The following MRC1 variants were observed in gnomAD, a reference collection of about 807,000 sequenced individuals.
The protein encoded by MRC1 is mannose receptor C-type 1.
MRC1 carries 62 observed loss-of-function variants against 102.9 expected under a neutral mutation model. The observed-to-expected ratio is 0.60, with a 90% CI of 0.49 to 0.74. MRC1 has a LOEUF of 0.74. Among genes scored for constraint, MRC1 ranks in the 30% least tolerant of loss-of-function variants. MRC1 has a pLI of 0.00. For missense variants in MRC1, 1,237 were observed against 862.8 expected (o/e 1.43, Z -5.43); for synonymous variants, 457 against 298.4 (o/e 1.53, Z -5.48).
At chr10:17,894,394 CTTTTTT>C (rs34625338) in intron 23 of MRC1, 82 bp downstream of exon 23, 138 of 405,988 alleles carry the variant, frequency 3.4e-4, no homozygotes, top group Middle Eastern at 7.0e-4. Context: ...TTCTTTCTTT[CTTTTTT>C]TTTTTTTTTT....
At chr10:17,902,863 T>C (rs1833846992) in intron 26 of MRC1, among the ~76,000 whole-genome samples, 1 of 152,220 alleles carries the variant, frequency 6.6e-6, no homozygotes, top group South Asian at 2.1e-4. Context: ...TTATTGCTAA[T>C]TGAAGTTTGC....
chr10:17,841,923 G>A (rs1212079789), intron 5 of MRC1, among the ~76,000 whole-genome samples: 3 of 151,976 alleles, frequency 2.0e-5, no homozygotes, highest in Non-Finnish European at 4.4e-5. Flanking sequence ...AGTGGTTTTC[G>A]CATTTGGCTT....
rs1401200082 is a variant in MRC1, at chr10:17,813,700, A to ATATATATATATTT, written c.61+4175_61+4176insATATATATATTTT. 2.1e-4 allele frequency among the ~76,000 whole-genome samples: 26 copies of ATATATATATATTT among 125,692 alleles called. No individual in the cohort carries two copies. The East Asian group carries it at 5.2e-3, about 25-fold the overall frequency. 82.5% of individuals were successfully genotyped at this position (125,692 alleles called of 152,430 possible). ...ACACACATTATATATATATATATAT[A>ATATATATATATTT]TTTTTTTTTTTTTTTGAGACAGGGT... is the stretch of plus-strand genomic sequence containing the variant. On this transcript the variant is annotated intron_variant, in intron 1 of 29. Transcript: ENST00000569591.
chr10:17,881,011 A>G, intron 20 of MRC1, 56 bp from the exon 21 acceptor site: 1 of 778,446 alleles, frequency 1.3e-6, no homozygotes, highest in Non-Finnish European at 2.4e-6. Context: ...AAAGTTGATC[A>G]TCTTTAGTTA....
At position 17,827,690 on chromosome 10, in the gene MRC1, G is replaced by A. The variant is rs1838501739; in HGVS notation, c.612G>A (p.Lys204=). The A allele has an allele frequency of 2.6e-6, 2 of 780,738 alleles. No individual in the cohort carries two copies. Among genetic ancestry groups the A allele is most frequent in the South Asian group, 2.7e-5 (2 of 74,614 alleles). The allele number at this position is 780,738 out of a possible 1,614,324, so 48.4% of individuals were successfully genotyped here. The change falls in exon 3 of 30, where the codon AAG becomes AAA. Residue 204 remains lysine (K), a synonymous_variant. Transcript: ENST00000569591. Reference sequence around the variant, plus strand: ...CCACTACTGACTATGACACAGACAAGCTATTTGGATATTGTCCATTGAAAT... The same window carrying A: ...CCACTACTGACTATGACACAGACAAACTATTTGGATATTGTCCATTGAAAT... ...CGTTTDYDTD[K]LFGYCPLKFE... is the part of the protein sequence containing the mutation.
intron 4 of MRC1, among the ~76,000 whole-genome samples, chr10:17,835,246 C>T (rs1838645227): frequency 3.9e-5 from 6 of 152,130 alleles, no homozygotes. Context: ...TGCTTATTAC[C>T]ACTTTTATTA....
chr10:17,853,048 C>T lies in MRC1; in HGVS notation c.1331C>T (p.Thr444Met). ...YFEWSDGTPV[T>M]FTKWLRGEPS... ...GAGTGGAGTGATGGGACCCCTGTAACGTTTACCAAATGGCTTCGTGGAGAA... is the reference window on the plus strand; with the variant it reads ...GAGTGGAGTGATGGGACCCCTGTAATGTTTACCAAATGGCTTCGTGGAGAA... The change falls in exon 8 of 30, where the codon ACG becomes ATG. Residue 444 changes from threonine (T) to methionine (M), a missense_variant. Transcript: ENST00000569591. 1 of 780,736 alleles carries T rather than the reference C, an allele frequency of 1.3e-6. No homozygotes were observed. Among genetic ancestry groups the T allele is most frequent in the Admixed American group, 1.7e-5 (1 of 59,014 alleles). The allele number at this position is 780,736 out of a possible 1,614,324, so 48.4% of individuals were successfully genotyped here.
intron 24 of MRC1, 57 bp from the exon 25 acceptor site, chr10:17,900,731 T>C (rs1833817998): frequency 5.1e-6 from 4 of 780,394 alleles, no homozygotes; most frequent in Non-Finnish European, 9.6e-6. Context: ...ATTGGTTCTT[T>C]TAGTATTTTC....
At position 17,812,245 on chromosome 10, in the gene MRC1, A is replaced by G. The variant is rs1237623331; in HGVS notation, c.61+2719A>G. ...TTCCTACTGTTGTTCTTGCCGCACTATCTTTTTAGCACTCAGCAGCAAGGT... is the reference window on the plus strand; with the variant it reads ...TTCCTACTGTTGTTCTTGCCGCACTGTCTTTTTAGCACTCAGCAGCAAGGT... On this transcript the variant is annotated intron_variant, in intron 1 of 29. Transcript: ENST00000569591. Among the ~76,000 whole-genome samples the G allele has an allele frequency of 2.6e-5, 4 of 152,068 alleles. No individual in the cohort carries two copies. The East Asian group carries it at 7.7e-4, about 29-fold the overall frequency.
Position 17,870,134 on chromosome 10 carries a change from T to C in MRC1, c.1984-112T>C. On this transcript the variant is annotated intron_variant, in intron 12 of 29. Coordinates refer to ENST00000569591, the MANE Select transcript of MRC1 (RefSeq NM_002438.4). ...AAAGAATTACATTGTTTTGAGTCAT[T>C]ACACTGTTTTGTTTTTCTGTAAATG... 4.3e-6 allele frequency: 3 copies of C among 697,498 alleles called. No homozygotes were observed. In the South Asian group the frequency reaches 5.2e-5, roughly 12 times the overall value. The allele number at this position is 697,498 out of a possible 1,614,324, so 43.2% of individuals were successfully genotyped here. A position where few individuals can be genotyped will look rare whatever the true frequency, so the allele number is the denominator to read the frequency against.
chr10:17,815,024 A>T (rs1838289116), intron 1 of MRC1, among the ~76,000 whole-genome samples: 1 of 151,994 alleles, frequency 6.6e-6, no homozygotes, highest in Admixed American at 6.6e-5. Context: ...TCTTATTCTG[A>T]AACATCTCAC....
chr10:17,908,699 G>A (rs1240783461), intron 28 of MRC1, among the ~76,000 whole-genome samples: 1 of 152,172 alleles, frequency 6.6e-6, no homozygotes, highest in East Asian at 1.9e-4. Context: ...CTCCCAAGTA[G>A]CTGGGATTAC....
intron 7 of MRC1, among the ~76,000 whole-genome samples, chr10:17,851,316 AAAT>A (rs1483152720): frequency 1.3e-5 from 2 of 152,150 alleles, no homozygotes; most frequent in Non-Finnish European, 2.9e-5. Context: ...TTAAACAATA[AAAT>A]AATATTAATA....
At position 17,849,568 on chromosome 10, in the gene MRC1, T is replaced by C. The variant is rs1349337257; in HGVS notation, c.1064-11T>C. ...TTAAAATTTTTTTCCGACCCCCCTT[T>C]TTGTTTCTAGAAAGTGATGTGCCTA... On this transcript the variant is annotated splice_polypyrimidine_tract_variant and intron_variant, in intron 6 of 29. Coordinates refer to ENST00000569591, the MANE Select transcript of MRC1 (RefSeq NM_002438.4). The C allele has an allele frequency of 7.7e-6, 6 of 777,932 alleles. No homozygotes were observed. In the African/African-American group the frequency reaches 8.5e-5, roughly 11 times the overall value. The allele number at this position is 777,932 out of a possible 1,614,324, so 48.2% of individuals were successfully genotyped here.
chr10:17,861,176 G>A (rs1267910950), intron 9 of MRC1, among the ~76,000 whole-genome samples: 2 of 152,168 alleles, frequency 1.3e-5, no homozygotes, highest in Admixed American at 6.5e-5. Flanking sequence ...GGCCGGGTGT[G>A]GTGGCACGTG....
At chr10:17,855,238 G>C (rs1468346534) in intron 8 of MRC1, among the ~76,000 whole-genome samples, 1 of 152,052 alleles carries the variant, frequency 6.6e-6, no homozygotes, top group East Asian at 1.9e-4. Flanking sequence ...ATATGAACTT[G>C]ATTAATTTGA....
intron 19 of MRC1, among the ~76,000 whole-genome samples, 161 bp downstream of exon 19, chr10:17,879,982 G>A (rs907626301): frequency 2.0e-5 from 3 of 152,182 alleles, no homozygotes; most frequent in East Asian, 1.9e-4. Flanking sequence ...AACTTGTAAC[G>A]AGAATAGATG....
chr10:17,855,064 A>G (rs1355381668), intron 8 of MRC1, among the ~76,000 whole-genome samples: 1 of 152,292 alleles, frequency 6.6e-6, no homozygotes, highest in East Asian at 1.9e-4. Context: ...TGAAATCTCA[A>G]AGGAAAAGAG....
Position 17,877,389 on chromosome 10 carries a change from C to T in MRC1, c.2551-511C>T, listed in dbSNP as rs1833451305. ...TTTATATTATACATATCAATCCTCTCACCTCAGCCTCCCAAGTAGCTGGGA... is the reference window on the plus strand; with the variant it reads ...TTTATATTATACATATCAATCCTCTTACCTCAGCCTCCCAAGTAGCTGGGA... On this transcript the variant is annotated intron_variant, in intron 17 of 29. Coordinates refer to ENST00000569591, the MANE Select transcript of MRC1 (RefSeq NM_002438.4). Among the ~76,000 whole-genome samples the T allele has an allele frequency of 2.0e-5, 3 of 149,424 alleles. No individual in the cohort carries two copies. The East Asian group carries it at 5.8e-4, about 29-fold the overall frequency.
Sources: allele counts gnomAD v4.1 joint callset (sites outside exome capture counted in the v4.1 genomes callset), GRCh38; gene constraint gnomAD v4.1.1; transcripts MANE v1.5; gene names NCBI Gene and HGNC (gene_info 2026-07-23, HGNC 2026-07-21).